Variants in CLEC3B observed in about 807,000 individuals in gnomAD.
CLEC3B encodes tetranectin.
A neutral mutation model predicts 15.4 loss-of-function variants in CLEC3B; 13 were observed. The observed-to-expected ratio is 0.84, with a 90% CI of 0.55 to 1.34. The LOEUF (loss-of-function observed/expected upper bound fraction) is 1.34, where lower values mean the gene tolerates loss of function less well. Ranked by LOEUF, CLEC3B falls within the 40% of genes most tolerant of loss-of-function variation. The probability of loss-of-function intolerance (pLI) is 0.00; values close to 1 mark genes in which losing one functional copy is unlikely to be tolerated. For missense variants in CLEC3B, 242 were observed against 268.6 expected, an observed-to-expected ratio of 0.90 and a Z score of 0.69; for synonymous variants, 112 against 114.7, an observed-to-expected ratio of 0.98 and a Z score of 0.15.
In CLEC3B at chr3:45,035,831, C is replaced by T; in HGVS notation, c.516C>T (p.Asn172=). The part of the protein sequence containing the change: ...TAQPDGGKTE[N]CAVLSGAANG... ...AACCCGATGGCGGCAAGACCGAGAA[C>T]TGCGCGGTCCTGTCAGGCGCGGCCA... The change falls in exon 3 of 3, where the codon AAC becomes AAT. Residue 172 remains asparagine (N), a synonymous_variant. Transcript: ENST00000296130. The T allele has an allele frequency of 6.2e-7, 1 of 1,613,196 alleles. No homozygotes were observed. The highest frequency in any genetic ancestry group is 8.5e-7 in the Non-Finnish European group (1 of 1,179,960).
intron 1 of CLEC3B, 118 bp downstream of exon 1, chr3:45,026,589 G>A: frequency 1.1e-6 from 1 of 875,742 alleles, no homozygotes; most frequent in Non-Finnish European, 1.8e-6. Flanking sequence ...GGGAACTTGA[G>A]TAAAGTGGGC....
Position 45,028,158 on chromosome 3 carries a change from C to T in CLEC3B, c.109+1687C>T, listed in dbSNP as rs1467997305. 3.9e-5 allele frequency among the ~76,000 whole-genome samples: 6 copies of T among 152,198 alleles called. 1 individual carries two copies. Among genetic ancestry groups the T allele is most frequent in the Non-Finnish European group, 1.5e-5 (1 of 68,040 alleles). ...GCTCTTTCTCCACGTAGGCACCAGT[C>T]TATATGCTGGACACACAGCAGAGAA... On this transcript the variant is annotated intron_variant, in intron 1 of 2. Coordinates refer to ENST00000296130, the MANE Select transcript of CLEC3B (RefSeq NM_003278.3).
rs950841263 is a variant in CLEC3B, at chr3:45,030,321, G to A, written c.110-506G>A. ...TGTCATCATCCACTTCATACATGAG[G>A]GAACCAAATCCAGAGAGGCTGAGCA... On this transcript the variant is annotated intron_variant, in intron 1 of 2. Coordinates refer to ENST00000296130, the MANE Select transcript of CLEC3B (RefSeq NM_003278.3). The A allele has an allele frequency of 1.3e-5, 10 of 753,952 alleles. No individual in the cohort carries two copies. The East Asian group carries it at 7.7e-4, about 58-fold the overall frequency. 46.7% of individuals were successfully genotyped at this position (753,952 alleles called of 1,614,324 possible).
intron 1 of CLEC3B, among the ~76,000 whole-genome samples, chr3:45,030,568 CT>C (rs1321938991): frequency 6.6e-6 from 1 of 152,216 alleles, no homozygotes; most frequent in Non-Finnish European, 1.5e-5. Flanking sequence ...ACCCTCACCC[CT>C]GCCTCTGCTA....
At chr3:45,030,300 A>G (rs1309854162) in intron 1 of CLEC3B, 2 of 878,358 alleles carry the variant, frequency 2.3e-6, no homozygotes, top group Non-Finnish European at 2.7e-6. Flanking sequence ...TGGGGCTGTC[A>G]TCATCCACTT....
intron 2 of CLEC3B, chr3:45,034,607 A>G (rs1413613180): frequency 1.1e-4 from 17 of 152,268 alleles, no homozygotes; most frequent in Non-Finnish European, 2.9e-5. Context: ...TATTTCAGCT[A>G]GAAATCAAGC....
chr3:45,029,647 T>C (rs1238241928), intron 1 of CLEC3B, among the ~76,000 whole-genome samples: 3 of 152,234 alleles, frequency 2.0e-5, no homozygotes, highest in Non-Finnish European at 1.5e-5. Flanking sequence ...GATCTCACTC[T>C]TTGTGAGTGT....
At chr3:45,030,973 G>A in intron 2 of CLEC3B, 48 bp downstream of exon 2, 1 of 1,310,208 alleles carries the variant, frequency 7.6e-7, no homozygotes. Flanking sequence ...TGAGAGAAGG[G>A]CCCAGGCCAG....
chr3:45,026,450 A>G lies in CLEC3B; in HGVS notation c.88A>G (p.Lys30Glu). Residue 30 changes from lysine to glutamate, a missense_variant, in exon 1 of 3, where the codon AAG becomes GAG. Lys to Glu is a moderately conservative substitution (Grantham distance 56). Transcript: ENST00000296130. ...TTEPPTQKPK[K>E]IVNAKKDVVN... ...CGAGCCACCAACCCAGAAGCCCAAG[A>G]AGATTGTAAATGCCAAGAAAGGTAA... The G allele has an allele frequency of 2.5e-6, 4 of 1,614,086 alleles. No individual in the cohort carries two copies. Among genetic ancestry groups the G allele is most frequent in the Non-Finnish European group, 3.4e-6 (4 of 1,179,980 alleles).
intron 1 of CLEC3B, among the ~76,000 whole-genome samples, chr3:45,029,396 C>A (rs1697524961): frequency 2.0e-5 from 3 of 152,226 alleles, no homozygotes; most frequent in African/African-American, 7.2e-5. Context: ...ACATGGCACC[C>A]TATGCTGGTA....
chr3:45,027,344 A>G (rs527554366), intron 1 of CLEC3B, among the ~76,000 whole-genome samples: 68 of 152,350 alleles, frequency 4.5e-4, no homozygotes, highest in African/African-American at 1.4e-3. Context: ...ATAAATGGAC[A>G]GTTGCCCACT....
At chr3:45,032,801 A>C (rs1395840653) in intron 2 of CLEC3B, among the ~76,000 whole-genome samples, 1 of 152,206 alleles carries the variant, frequency 6.6e-6, no homozygotes, top group Non-Finnish European at 1.5e-5. Context: ...GTAAGTCTGC[A>C]AGTAGGTAGT....
chr3:45,027,913 T>C (rs1477121910), intron 1 of CLEC3B, among the ~76,000 whole-genome samples: 1 of 152,064 alleles, frequency 6.6e-6, no homozygotes, highest in Non-Finnish European at 1.5e-5. Flanking sequence ...AATATAATTA[T>C]GTAAATCTTT....
intron 2 of CLEC3B, among the ~76,000 whole-genome samples, chr3:45,033,613 T>G (rs1193034597): frequency 6.6e-6 from 1 of 151,910 alleles, no homozygotes; most frequent in African/African-American, 2.4e-5. Context: ...CTTGAGCCCT[T>G]GAAAGCTGTG....
chr3:45,028,731 G>A (rs868650415), intron 1 of CLEC3B, among the ~76,000 whole-genome samples: 1 of 152,160 alleles, frequency 6.6e-6, no homozygotes, highest in Non-Finnish European at 1.5e-5. Flanking sequence ...CTAGTTGCAG[G>A]GCTGGTGCCC....
chr3:45,026,373 G>C lies in CLEC3B; in HGVS notation c.11G>C (p.Trp4Ser). Residue 4 changes from tryptophan to serine, a missense_variant, in exon 1 of 3, where the codon TGG becomes TCG. Coordinates refer to ENST00000296130, the MANE Select transcript of CLEC3B (RefSeq NM_003278.3). Reference sequence around the variant, plus strand: ...CGCCCGCGCAGCAGCATGGAGCTCTGGGGGGCCTACCTCCTCCTCTGCCTC... The same window carrying C: ...CGCCCGCGCAGCAGCATGGAGCTCTCGGGGGCCTACCTCCTCCTCTGCCTC... MEL[W>S]GAYLLLCLFS... 1 of 1,613,656 alleles carries C rather than the reference G, an allele frequency of 6.2e-7. No homozygotes were observed. Among genetic ancestry groups the C allele is most frequent in the East Asian group, 2.2e-5 (1 of 44,866 alleles).
chr3:45,031,368 GTC>G (rs1697551926), intron 2 of CLEC3B, among the ~76,000 whole-genome samples: 1 of 152,228 alleles, frequency 6.6e-6, no homozygotes, highest in Non-Finnish European at 1.5e-5. Flanking sequence ...TGCTGACCCT[GTC>G]TCTCTTAATC....
At chr3:45,026,542 G>T in intron 1 of CLEC3B, 71 bp downstream of exon 1, 1 of 1,347,844 alleles carries the variant, frequency 7.4e-7, no homozygotes, top group South Asian at 1.2e-5. Context: ...GTGTCCTCAT[G>T]CTCCTTTCCT....
intron 1 of CLEC3B, among the ~76,000 whole-genome samples, chr3:45,029,390 G>A (rs568123453): frequency 2.6e-5 from 4 of 152,316 alleles, no homozygotes; most frequent in Middle Eastern, 3.4e-3. Flanking sequence ...AGCCTCACAT[G>A]GCACCCTATG....
Sources: allele counts gnomAD v4.1 joint callset (sites outside exome capture counted in the v4.1 genomes callset), GRCh38; gene constraint gnomAD v4.1.1; transcripts MANE v1.5; gene names NCBI Gene and HGNC (gene_info 2026-07-23, HGNC 2026-07-21).